Variants in ZFYVE16 observed in about 807,000 individuals in gnomAD.
ZFYVE16 encodes zinc finger FYVE-type containing 16.
ZFYVE16 carries 89 observed loss-of-function variants against 138.1 expected under a neutral mutation model. That is an observed-to-expected ratio of 0.64 (90% confidence interval 0.54 to 0.77). The LOEUF (loss-of-function observed/expected upper bound fraction) is 0.77, where lower values mean the gene tolerates loss of function less well. ZFYVE16 is among the 30% of genes least tolerant of loss of function. The pLI, the probability that ZFYVE16 is intolerant of heterozygous loss-of-function variation, is 0.00. For synonymous variants in ZFYVE16, 596 were observed against 618.3 expected, an observed-to-expected ratio of 0.96 and a Z score of 0.53; for missense variants, 1,793 against 1,786.7, an observed-to-expected ratio of 1.00 and a Z score of -0.06.
intron 3 of ZFYVE16, among the ~76,000 whole-genome samples, 176 bp from the exon 4 acceptor site, chr5:80,436,575 TAAAAA>T (rs1749940035): frequency 6.6e-6 from 1 of 152,176 alleles, no homozygotes; most frequent in African/African-American, 2.4e-5. Context: ...TAATTTCAGA[TAAAAA>T]TAAATGCTCT....
chr5:80,439,042 T>G, intron 4 of ZFYVE16, 35 bp downstream of exon 4: 7 of 1,554,514 alleles, frequency 4.5e-6, no homozygotes, highest in Non-Finnish European at 6.1e-6. Context: ...CTTTTGTTCT[T>G]TTGAGACATT....
Position 80,475,625 on chromosome 5 carries a change from A to AT in ZFYVE16, c.4461+801dup, listed in dbSNP as rs910791691. The stretch of plus-strand genomic sequence containing the variant: ...CTTTTTCATCTTCCCTCTTTTACAC[A>AT]TTTTTTACCTTGCTTCTTTAATATA... On this transcript the variant is annotated intron_variant, in intron 18 of 18. Transcript: ENST00000505560. Among the ~76,000 whole-genome samples the AT allele has an allele frequency of 1.1e-3, 174 of 152,160 alleles. 1 individual carries two copies. Among genetic ancestry groups the AT allele is most frequent in the African/African-American group, 4.0e-3 (164 of 41,498 alleles).
chr5:80,431,536 G>A (rs1030344033), intron 2 of ZFYVE16, among the ~76,000 whole-genome samples: 2 of 152,154 alleles, frequency 1.3e-5, no homozygotes, highest in Non-Finnish European at 2.9e-5. Flanking sequence ...CACAAGACAG[G>A]GATGCCTTTC....
intron 15 of ZFYVE16, among the ~76,000 whole-genome samples, chr5:80,465,405 T>G (rs867713953): frequency 1.9e-5 from 2 of 103,288 alleles, no homozygotes; most frequent in Admixed American, 1.1e-4. Context: ...TCTTTGTTTT[T>G]TTTTTTTTTT....
intron 3 of ZFYVE16, among the ~76,000 whole-genome samples, 182 bp downstream of exon 3, chr5:80,434,399 G>A (rs1346148500): frequency 1.3e-5 from 2 of 152,182 alleles, no homozygotes; most frequent in South Asian, 4.1e-4. Flanking sequence ...GGGACCCATA[G>A]CCAGAAACAG....
intron 15 of ZFYVE16, among the ~76,000 whole-genome samples, chr5:80,472,178 C>G (rs987974868): frequency 6.6e-6 from 1 of 152,016 alleles, no homozygotes; most frequent in Non-Finnish European, 1.5e-5. Flanking sequence ...CTAGTGCCCC[C>G]CTCTTAAGTG....
chr5:80,467,628 A>G (rs1027048136), intron 15 of ZFYVE16, among the ~76,000 whole-genome samples: 4 of 152,206 alleles, frequency 2.6e-5, no homozygotes, highest in Non-Finnish European at 5.9e-5. Context: ...AGCAACAAAA[A>G]CAAACTCTGT....
chr5:80,473,621 TTTAG>T (rs1169083004), intron 16 of ZFYVE16, 129 bp from the exon 17 acceptor site: 8 of 560,522 alleles, frequency 1.4e-5, no homozygotes, highest in Non-Finnish European at 2.1e-5. Context: ...GAACTACAGA[TTTAG>T]TTATTTTGTA....
chr5:80,430,881 T>C (rs1488389221), intron 2 of ZFYVE16, among the ~76,000 whole-genome samples: 1 of 152,208 alleles, frequency 6.6e-6, no homozygotes. Flanking sequence ...CTCCCAGGAC[T>C]AAACCAGGAA....
chr5:80,415,408 C>G (rs574996857), intron 1 of ZFYVE16, among the ~76,000 whole-genome samples: 67 of 152,170 alleles, frequency 4.4e-4, no homozygotes, highest in African/African-American at 1.5e-3. Context: ...TTTTCTGTTC[C>G]AGGATCCCAT....
At chr5:80,448,761 A>G (rs1164564632) in intron 8 of ZFYVE16, among the ~76,000 whole-genome samples, 1 of 152,144 alleles carries the variant, frequency 6.6e-6, no homozygotes, top group African/African-American at 2.4e-5. Flanking sequence ...ATTGGATGGC[A>G]AAGCTAGGAA....
chr5:80,461,272 G>A (rs1452387515), intron 15 of ZFYVE16, among the ~76,000 whole-genome samples: 3 of 152,106 alleles, frequency 2.0e-5, no homozygotes, highest in African/African-American at 7.2e-5. Context: ...CTTCAGATAA[G>A]GGACACCTGT....
chr5:80,430,708 CAA>C (rs1215761875), intron 2 of ZFYVE16, among the ~76,000 whole-genome samples: 1 of 151,758 alleles, frequency 6.6e-6, no homozygotes, highest in Non-Finnish European at 1.5e-5. Flanking sequence ...TGATAAAGAA[CAA>C]AAGAGAGAAG....
intron 1 of ZFYVE16, among the ~76,000 whole-genome samples, chr5:80,422,176 T>C (rs192589993): frequency 6.6e-6 from 1 of 152,232 alleles, no homozygotes; most frequent in African/African-American, 2.4e-5. Context: ...AAGTTGCTTA[T>C]CAGCTTAAGG....
chr5:80,422,109 G>T (rs3096111), intron 1 of ZFYVE16, among the ~76,000 whole-genome samples: 120,632 of 151,998 alleles, frequency 0.79, 50,299 homozygotes, highest in East Asian at 0.92. Context: ...TCTGTTATTG[G>T]TGTATAAGAA....
rs117119672 is a variant in ZFYVE16 at position 80,448,981 on chromosome 5, C to T, written c.3103+577C>T. Among the ~76,000 whole-genome samples the T allele has an allele frequency of 2.6e-5, 4 of 152,116 alleles. No homozygotes were observed. In the East Asian group the frequency reaches 7.7e-4, roughly 29 times the overall value. On this transcript the variant is annotated intron_variant, in intron 8 of 18. Transcript: ENST00000505560. Reference sequence around the variant, plus strand: ...TGTCACATTCTGCAATATGAAATGGCGGTTCTCTGCGTGATAATGTAGAGG... The same window carrying T: ...TGTCACATTCTGCAATATGAAATGGTGGTTCTCTGCGTGATAATGTAGAGG...
chr5:80,442,832 C>A (rs1360177655), intron 5 of ZFYVE16, among the ~76,000 whole-genome samples: 1 of 152,010 alleles, frequency 6.6e-6, no homozygotes, highest in Non-Finnish European at 1.5e-5. Flanking sequence ...GGTACAAGGG[C>A]AAAAACAGAG....
rs1240648532 is a variant in ZFYVE16, at chr5:80,480,770, A to G, written c.*3393A>G. Reference sequence around the variant, plus strand: ...ACACTGTCTCTGCAAAATTAAAAAAATTTTGCCAGGTGTGGTGGCTCATAC... The same window carrying G: ...ACACTGTCTCTGCAAAATTAAAAAAGTTTTGCCAGGTGTGGTGGCTCATAC... On this transcript the variant is annotated 3_prime_UTR_variant, in exon 19 of 19. Transcript: ENST00000505560. 1.3e-5 allele frequency among the ~76,000 whole-genome samples: 2 copies of G among 152,052 alleles called. No homozygotes were observed. The highest frequency in any genetic ancestry group is 2.4e-5 in the African/African-American group (1 of 41,408).
chr5:80,431,433 G>A (rs1282599648), intron 2 of ZFYVE16, among the ~76,000 whole-genome samples: 6 of 152,140 alleles, frequency 3.9e-5, no homozygotes, highest in East Asian at 1.9e-4. Flanking sequence ...TTGATGAGAC[G>A]TATCTCAAAA....
Sources: allele counts gnomAD v4.1 joint callset (sites outside exome capture counted in the v4.1 genomes callset), GRCh38; gene constraint gnomAD v4.1.1; transcripts MANE v1.5; gene names NCBI Gene and HGNC (gene_info 2026-07-23, HGNC 2026-07-21).